Variants in KDM4C observed in about 807,000 individuals in gnomAD.
KDM4C encodes lysine-specific demethylase 4C.
Under a neutral mutation model 129.3 loss-of-function variants are expected in KDM4C, and 81 were observed. The observed-to-expected ratio is 0.63, with a 90% CI of 0.52 to 0.75. KDM4C has a LOEUF of 0.75. Ranked by LOEUF, KDM4C falls within the 30% of genes least tolerant of loss-of-function variation. The probability of loss-of-function intolerance (pLI) is 0.00; values close to 1 mark genes in which losing one functional copy is unlikely to be tolerated. For synonymous variants in KDM4C, 573 were observed against 456.1 expected, an observed-to-expected ratio of 1.26 and a Z score of -3.26; for missense variants, 1,457 against 1,304.0, an observed-to-expected ratio of 1.12 and a Z score of -1.81.
intron 4 of KDM4C, among the ~76,000 whole-genome samples, chr9:6,830,290 C>T (rs1044729413): frequency 6.6e-6 from 1 of 152,172 alleles, no homozygotes; most frequent in South Asian, 2.1e-4. Flanking sequence ...TCCAGTATTG[C>T]TTACAATCTC....
At chr9:6,856,566 GTGTGTGTGTGTGTGTA>G (rs796786536) in intron 5 of KDM4C, among the ~76,000 whole-genome samples, 1 of 138,986 alleles carries the variant, frequency 7.2e-6, no homozygotes, top group Admixed American at 7.0e-5. Flanking sequence ...GTGTGTGTGT[GTGTGTGTGTGTGTGTA>G]TTTTTTTTTG....
chr9:6,759,595 A>C (rs965171051), intron 1 of KDM4C, among the ~76,000 whole-genome samples: 1 of 152,210 alleles, frequency 6.6e-6, no homozygotes, highest in African/African-American at 2.4e-5. Flanking sequence ...TTGGTAATAC[A>C]GTACAATTTA....
chr9:6,898,043 G>A (rs563239815), intron 8 of KDM4C, among the ~76,000 whole-genome samples: 7 of 152,236 alleles, frequency 4.6e-5, no homozygotes, highest in Admixed American at 3.9e-4. Context: ...TCAAAGCGCC[G>A]GCCGGCAGGT....
rs999449527 is a variant in KDM4C, at chr9:7,173,466, T to A, written c.2995-1087T>A. On this transcript the variant is annotated intron_variant, in intron 21 of 21. Coordinates refer to ENST00000381309, the MANE Select transcript of KDM4C (RefSeq NM_015061.6). ...CTGGAAAATTACAAGCAAGGGCATA[T>A]GATCATGTAGAGTCTTATAATAAGA... Among the ~76,000 whole-genome samples, 6 of 152,296 alleles carry A rather than the reference T, an allele frequency of 3.9e-5. No individual in the cohort carries two copies. In the East Asian group the frequency reaches 1.2e-3, roughly 29 times the overall value.
At chr9:6,937,539 T>C in intron 8 of KDM4C, among the ~76,000 whole-genome samples, 1 of 152,126 alleles carries the variant, frequency 6.6e-6, no homozygotes, top group East Asian at 1.9e-4. Flanking sequence ...TTACATCTTA[T>C]TGGATATTAA....
chr9:6,887,878 C>T (rs1016441572), intron 6 of KDM4C, 82 bp from the exon 7 acceptor site: 22 of 844,518 alleles, frequency 2.6e-5, no homozygotes, highest in African/African-American at 5.0e-5. Context: ...AGTAAGAACA[C>T]TAGAACTTAC....
At chr9:6,802,408 G>A (rs1011585089) in intron 2 of KDM4C, among the ~76,000 whole-genome samples, 2 of 152,170 alleles carry the variant, frequency 1.3e-5, no homozygotes, top group Non-Finnish European at 2.9e-5. Flanking sequence ...AGAAGTGTCT[G>A]TGTATGCATG....
At chr9:6,863,381 C>T (rs1841323352) in intron 5 of KDM4C, among the ~76,000 whole-genome samples, 1 of 152,050 alleles carries the variant, frequency 6.6e-6, no homozygotes, top group Non-Finnish European at 1.5e-5. Flanking sequence ...ATTTATTTGG[C>T]TCACAATTCT....
At chr9:6,883,055 G>C (rs1844723950) in intron 6 of KDM4C, among the ~76,000 whole-genome samples, 1 of 152,124 alleles carries the variant, frequency 6.6e-6, no homozygotes, top group Non-Finnish European at 1.5e-5. Flanking sequence ...GTCCGAAAAG[G>C]ATTATGAGCC....
intron 18 of KDM4C, chr9:7,104,392 A>C (rs1837444210): frequency 1.3e-5 from 2 of 152,782 alleles, no homozygotes; most frequent in South Asian, 4.1e-4. Context: ...TTGCTGCCTA[A>C]AATGGCATAT....
intron 19 of KDM4C, among the ~76,000 whole-genome samples, chr9:7,145,523 C>T (rs981776163): frequency 6.6e-6 from 1 of 152,226 alleles, no homozygotes; most frequent in Non-Finnish European, 1.5e-5. Context: ...TCCTCCAGAA[C>T]TCCCACCCAC....
intron 17 of KDM4C, among the ~76,000 whole-genome samples, chr9:7,066,447 A>G (rs1287896111): frequency 6.6e-6 from 1 of 152,226 alleles, no homozygotes; most frequent in Non-Finnish European, 1.5e-5. Flanking sequence ...TATAATAAGC[A>G]TTTCTGTTTC....
chr9:7,070,910 T>C (rs931073046), intron 17 of KDM4C, among the ~76,000 whole-genome samples: 2 of 152,130 alleles, frequency 1.3e-5, no homozygotes, highest in African/African-American at 4.8e-5. Context: ...GAGGAGGACA[T>C]GATTATTTCC....
chr9:6,994,907 C>T (rs1256284218), intron 12 of KDM4C, among the ~76,000 whole-genome samples: 1 of 152,186 alleles, frequency 6.6e-6, no homozygotes, highest in African/African-American at 2.4e-5. Context: ...AGTTAAAATG[C>T]AGCTGACCCA....
At position 7,011,857 on chromosome 9, in the gene KDM4C, C is replaced by G; in HGVS notation, c.1946C>G (p.Thr649Ser). The G allele has an allele frequency of 1.2e-6, 2 of 1,613,816 alleles. No individual in the cohort carries two copies. The highest frequency in any genetic ancestry group is 1.7e-6 in the Non-Finnish European group (2 of 1,179,932). ...ARMKPHCAIC[T>S]LLMPYHKPDS... ...ATGAAGCCACACTGTGCCATCTGCACTCTGCTCATGCCGTACCACAAGGTA... is the reference window on the plus strand; with the variant it reads ...ATGAAGCCACACTGTGCCATCTGCAGTCTGCTCATGCCGTACCACAAGGTA... Residue 649 changes from threonine (T) to serine (S), a missense_variant, in exon 13 of 22, where the codon ACT becomes AGT. Thr to Ser is a moderately conservative substitution (Grantham distance 58). Transcript: ENST00000381309.
At chr9:7,005,292 G>A (rs913843001) in intron 12 of KDM4C, among the ~76,000 whole-genome samples, 2 of 151,984 alleles carry the variant, frequency 1.3e-5, no homozygotes, top group South Asian at 2.1e-4. Flanking sequence ...AAAGTTAGCC[G>A]GGCGTGGTGG....
At chr9:6,966,978 A>G (rs751257626) in intron 8 of KDM4C, among the ~76,000 whole-genome samples, 2 of 152,232 alleles carry the variant, frequency 1.3e-5, no homozygotes, top group Non-Finnish European at 2.9e-5. Flanking sequence ...CACCAAATAT[A>G]TCACTAAAAA....
At chr9:7,069,271 T>G (rs1832877256) in intron 17 of KDM4C, among the ~76,000 whole-genome samples, 1 of 152,222 alleles carries the variant, frequency 6.6e-6, no homozygotes, top group African/African-American at 2.4e-5. Context: ...TTAAAATAAA[T>G]GATATTAGGG....
chr9:6,869,926 G>A (rs1028729582), intron 5 of KDM4C, among the ~76,000 whole-genome samples: 1 of 152,182 alleles, frequency 6.6e-6, no homozygotes, highest in Non-Finnish European at 1.5e-5. Flanking sequence ...AAAACTTAAT[G>A]CTTAATCTTT....
Sources: allele counts gnomAD v4.1 joint callset (sites outside exome capture counted in the v4.1 genomes callset), GRCh38; gene constraint gnomAD v4.1.1; transcripts MANE v1.5; gene names NCBI Gene and HGNC (gene_info 2026-07-23, HGNC 2026-07-21).